The following SYT1 variants were observed in gnomAD, a reference collection of about 807,000 sequenced individuals.
SYT1 encodes the protein synaptotagmin 1, also known as synaptotagmin-1.
A neutral mutation model predicts 44.8 loss-of-function variants in SYT1; 8 were observed. That is an observed-to-expected ratio of 0.18 (90% CI 0.10 to 0.32). The LOEUF (loss-of-function observed/expected upper bound fraction) is 0.32, where lower values mean the gene tolerates loss of function less well. Ranked by LOEUF, SYT1 falls within the 10% of genes least tolerant of loss-of-function variation. The pLI is 1.00. For missense variants in SYT1, 286 were observed against 509.3 expected, an observed-to-expected ratio of 0.56 and a Z score of 4.22; for synonymous variants, 154 against 188.8, an observed-to-expected ratio of 0.82 and a Z score of 1.51.
chr12:79,255,933 G>C (rs1425044923), intron 4 of SYT1, among the ~76,000 whole-genome samples: 1 of 152,114 alleles, frequency 6.6e-6, no homozygotes, highest in Admixed American at 6.5e-5. Context: ...GTACATTAAA[G>C]TATGTTAATA....
At chr12:78,958,867 G>T (rs866452650) in intron 1 of SYT1, among the ~76,000 whole-genome samples, 3 of 151,908 alleles carry the variant, frequency 2.0e-5, no homozygotes, top group Non-Finnish European at 4.4e-5. Flanking sequence ...ATATTTAGAG[G>T]GCTTACAAGT....
chr12:79,289,153 A>T (rs963989000), intron 5 of SYT1, among the ~76,000 whole-genome samples: 1 of 152,224 alleles, frequency 6.6e-6, no homozygotes, highest in African/African-American at 2.4e-5. Context: ...GCTCCTTTTG[A>T]TGGTTGCAAA....
chr12:79,065,249 T>C (rs1875752953), intron 3 of SYT1, among the ~76,000 whole-genome samples: 1 of 152,066 alleles, frequency 6.6e-6, no homozygotes, highest in South Asian at 2.1e-4. Flanking sequence ...GCCGGCATTA[T>C]AGCACACACC....
intron 4 of SYT1, among the ~76,000 whole-genome samples, chr12:79,277,402 T>C (rs1878796919): frequency 6.6e-6 from 1 of 152,196 alleles, no homozygotes; most frequent in South Asian, 2.1e-4. Flanking sequence ...CCAAGAATTT[T>C]GTATCCTGCA....
chr12:78,936,744 G>T (rs1207693701), intron 1 of SYT1, among the ~76,000 whole-genome samples: 1 of 152,170 alleles, frequency 6.6e-6, no homozygotes, highest in Non-Finnish European at 1.5e-5. Context: ...CCAGAATTCA[G>T]TCTGAGCTCA....
Position 79,199,531 on chromosome 12 carries a change from C to T in SYT1, c.-17-17972C>T, listed in dbSNP as rs79388686. ...GCCTCCATTCTCACCATAGAAATGCCCTATCACCTCTCCAAACACCAATTC... is the reference window on the plus strand; with the variant it reads ...GCCTCCATTCTCACCATAGAAATGCTCTATCACCTCTCCAAACACCAATTC... On this transcript the variant is annotated intron_variant, in intron 3 of 10. Coordinates refer to ENST00000261205, the MANE Select transcript of SYT1 (RefSeq NM_005639.3). Among the ~76,000 whole-genome samples, 456 of 152,114 alleles carry T rather than the reference C, an allele frequency of 3.0e-3. 1 individual carries two copies. Among genetic ancestry groups the T allele is most frequent in the African/African-American group, 0.011 (443 of 41,520 alleles).
At chr12:79,432,360 C>G (rs1316962663) in intron 9 of SYT1, among the ~76,000 whole-genome samples, 1 of 152,002 alleles carries the variant, frequency 6.6e-6, no homozygotes, top group Non-Finnish European at 1.5e-5. Context: ...TATCCCTCCC[C>G]CTGCCCCCCA....
intron 9 of SYT1, among the ~76,000 whole-genome samples, chr12:79,413,790 A>T (rs540195480): frequency 1.7e-4 from 26 of 152,330 alleles, no homozygotes; most frequent in African/African-American, 5.3e-4. Flanking sequence ...CAGTTAGATT[A>T]TCAGGACAAA....
chr12:79,418,537 G>T (rs1229555095), intron 9 of SYT1, among the ~76,000 whole-genome samples: 1 of 152,096 alleles, frequency 6.6e-6, no homozygotes, highest in African/African-American at 2.4e-5. Context: ...CCTTGTGGGT[G>T]ACTTCACCAC....
At chr12:79,041,804 T>C (rs1393193781) in intron 2 of SYT1, among the ~76,000 whole-genome samples, 1 of 151,750 alleles carries the variant, frequency 6.6e-6, no homozygotes, top group African/African-American at 2.4e-5. Flanking sequence ...GTCCCATCAA[T>C]ACCTAATTTA....
At position 79,352,957 on chromosome 12, in the gene SYT1, A is replaced by C. The variant is rs148090566; in HGVS notation, c.811-545A>C. The stretch of plus-strand genomic sequence containing the variant: ...TAATACTAAAAGTGCGAAACCTTAT[A>C]CTTTGTTACATTTCAGCTATCAGGA... On this transcript the variant is annotated intron_variant, in intron 8 of 10. Transcript: ENST00000261205. Among the ~76,000 whole-genome samples, 687 of 152,328 alleles carry C rather than the reference A, an allele frequency of 4.5e-3. 4 individuals carry two copies. Among genetic ancestry groups the C allele is most frequent in the South Asian group, 0.016 (76 of 4,818 alleles).
chr12:79,437,928 AGGGATG>A (rs1870185637), intron 9 of SYT1, among the ~76,000 whole-genome samples: 1 of 152,188 alleles, frequency 6.6e-6, no homozygotes, highest in South Asian at 2.1e-4. Context: ...GGGCAGAGGA[AGGGATG>A]GGAGAGAATA....
chr12:78,916,083 T>C (rs1876635044), intron 1 of SYT1, among the ~76,000 whole-genome samples: 1 of 152,002 alleles, frequency 6.6e-6, no homozygotes, highest in African/African-American at 2.4e-5. Flanking sequence ...CCAAAAATGA[T>C]GGGTAAAACT....
At chr12:79,315,601 G>T (rs1411716933) in intron 8 of SYT1, among the ~76,000 whole-genome samples, 1 of 152,158 alleles carries the variant, frequency 6.6e-6, no homozygotes, top group East Asian at 1.9e-4. Context: ...CAGCCCTCAG[G>T]TGTGCTGGAA....
chr12:79,069,719 A>T (rs1356237523), intron 3 of SYT1, among the ~76,000 whole-genome samples: 1 of 152,170 alleles, frequency 6.6e-6, no homozygotes, highest in Non-Finnish European at 1.5e-5. Context: ...GGATATAGTC[A>T]GATGTTAAAA....
intron 4 of SYT1, among the ~76,000 whole-genome samples, chr12:79,276,903 C>G (rs999263255): frequency 2.1e-5 from 3 of 140,634 alleles, no homozygotes; most frequent in Non-Finnish European, 4.5e-5. Context: ...ACCTAACAAT[C>G]CAGAAGAAGA....
intron 3 of SYT1, among the ~76,000 whole-genome samples, chr12:79,054,931 C>A (rs1874819444): frequency 6.6e-6 from 1 of 151,886 alleles, no homozygotes; most frequent in African/African-American, 2.4e-5. Flanking sequence ...CATTATTATT[C>A]ATGATAAATC....
chr12:79,248,545 T>C (rs939134341), intron 4 of SYT1, among the ~76,000 whole-genome samples: 3 of 152,124 alleles, frequency 2.0e-5, no homozygotes, highest in African/African-American at 7.2e-5. Flanking sequence ...TTTGTGAAAA[T>C]GAAAAAGTCT....
At chr12:79,027,135 C>G (rs779690698) in intron 2 of SYT1, among the ~76,000 whole-genome samples, 8 of 151,542 alleles carry the variant, frequency 5.3e-5, no homozygotes, top group Admixed American at 1.3e-4. Flanking sequence ...GGCCACTGAG[C>G]CTTCAGCTCT....
Sources: allele counts gnomAD v4.1 joint callset (sites outside exome capture counted in the v4.1 genomes callset), GRCh38; gene constraint gnomAD v4.1.1; transcripts MANE v1.5; gene names NCBI Gene and HGNC (gene_info 2026-07-23, HGNC 2026-07-21).